Variants in KIAA1210 observed in about 807,000 individuals in gnomAD.
KIAA1210 encodes KIAA1210.
KIAA1210 carries 48 observed loss-of-function variants against 78.9 expected under a neutral mutation model. That is an observed-to-expected ratio of 0.61 (90% CI 0.48 to 0.77). KIAA1210 has a LOEUF of 0.77. KIAA1210 is among the 30% of genes least tolerant of loss of function. The pLI, the probability that KIAA1210 is intolerant of heterozygous loss-of-function variation, is 0.00. For missense variants in KIAA1210, 1,108 were observed against 1,100.0 expected (o/e 1.01, Z -0.10); for synonymous variants, 406 against 404.5 (o/e 1.00, Z -0.04).
At chrX:119,112,893 A>C (rs1212268606) in intron 3 of KIAA1210, among the ~76,000 whole-genome samples, 1 of 112,178 alleles carries the variant, frequency 8.9e-6, no homozygotes, top group Non-Finnish European at 1.9e-5. Context: ...ACTTATACAC[A>C]AATGTTCACA....
In KIAA1210 at chrX:119,105,004, C is replaced by A; in HGVS notation, c.636G>T (p.Leu212Phe). The stretch of plus-strand genomic sequence containing the variant: ...AATATATACTCACCTGAGTCGCTGT[C>A]AAACTCTTATGTGGTAAAGCCTTCT... ...PQKKALPHKS[L>F]TATQSFSELS... Residue 212 changes from leucine (L) to phenylalanine (F), a missense_variant, in exon 6 of 12, where the codon TTG (leucine) becomes TTT (phenylalanine). This residue lies in a region of KIAA1210 where 672 missense variants were observed against 607.1 expected (regional missense o/e 1.11). Coordinates refer to ENST00000691062, the MANE Select transcript of KIAA1210 (RefSeq NM_001394962.1). 8.3e-7 allele frequency: 1 copy of A among 1,209,442 alleles called. No homozygotes were observed. Among genetic ancestry groups the A allele is most frequent in the Non-Finnish European group, 1.1e-6 (1 of 894,463 alleles).
chrX:119,099,067 G>A (rs999744333), intron 6 of KIAA1210, among the ~76,000 whole-genome samples: 3 of 112,309 alleles, frequency 2.7e-5, no homozygotes, highest in African/African-American at 9.7e-5. Flanking sequence ...AGAAAAACAA[G>A]GAGGTCTATG....
intron 2 of KIAA1210, among the ~76,000 whole-genome samples, chrX:119,136,969 T>C (rs1443353472): frequency 8.9e-6 from 1 of 111,883 alleles, no homozygotes; most frequent in East Asian, 2.8e-4. Flanking sequence ...ATCCTTCCCC[T>C]TGAACCAGAC....
intron 3 of KIAA1210, among the ~76,000 whole-genome samples, chrX:119,109,475 C>T (rs1166986597): frequency 4.5e-5 from 5 of 111,939 alleles, no homozygotes; most frequent in Non-Finnish European, 1.9e-5. Context: ...TGAGGAATGG[C>T]GCACTAGGGA....
chrX:119,132,971 A>G (rs17326934), intron 2 of KIAA1210, among the ~76,000 whole-genome samples: 40,618 of 109,604 alleles, frequency 0.37, 5,786 homozygotes, highest in East Asian at 0.68. Flanking sequence ...CCCTCAACCA[A>G]GAGTATGTGC....
intron 3 of KIAA1210, among the ~76,000 whole-genome samples, chrX:119,115,522 A>T (rs7877969): frequency 9.0e-6 from 1 of 111,009 alleles, no homozygotes; most frequent in African/African-American, 3.3e-5. Flanking sequence ...GCACTCATGA[A>T]GGTTGTTCTT....
At chrX:119,150,144 A>G in intron 1 of KIAA1210, 1 of 598,792 alleles carries the variant, frequency 1.7e-6, no homozygotes, top group Non-Finnish European at 2.5e-6. Context: ...GTTTCTTGAC[A>G]CATAGAGAAG....
intron 2 of KIAA1210, among the ~76,000 whole-genome samples, chrX:119,119,975 C>CAAAAAA (rs11342308): frequency 2.8e-5 from 1 of 35,789 alleles, no homozygotes; most frequent in African/African-American, 7.8e-5. Flanking sequence ...GACTCCATCT[C>CAAAAAA]AAAAAAAAAA....
At chrX:119,127,087 AAT>A (rs200122502) in intron 1 of KIAA1210, among the ~76,000 whole-genome samples, 1,825 of 109,384 alleles carry the variant, frequency 0.017, 46 homozygotes, top group African/African-American at 0.057. Flanking sequence ...AAAAAAAAAA[AAT>A]ATTCAAAAGC....
At chrX:119,081,548 C>A (rs7055713) in intron 11 of KIAA1210, 44 bp from the exon 12 acceptor site, 141,444 of 1,125,790 alleles carry the variant, frequency 0.13, 15,832 homozygotes, top group African/African-American at 0.67. Flanking sequence ...GGAACCCCAG[C>A]GATATTGGGG....
In KIAA1210 at chrX:119,103,049, A is replaced by G. The variant is rs141854097; in HGVS notation, c.648+1943T>C. ...GCAACCATTTGTCTCTTATCTTCCC[A>G]CACCTTTTAAAAATGTGGTCATCTT... On this transcript the variant is annotated intron_variant, in intron 6 of 11. Transcript: ENST00000691062. Among the ~76,000 whole-genome samples, 588 of 111,663 alleles carry G rather than the reference A, an allele frequency of 5.3e-3. 4 individuals carry two copies. The highest frequency in any genetic ancestry group is 0.019 in the African/African-American group (571 of 30,715).
chrX:119,128,002 T>C (rs1309370271), upstream of KIAA1210, among the ~76,000 whole-genome samples: 2 of 111,712 alleles, frequency 1.8e-5, no homozygotes, highest in Middle Eastern at 4.6e-3. Context: ...GATTTTGAAA[T>C]GTAGCACTGC....
chrX:119,146,365 A>G (rs897476225), intron 2 of KIAA1210, among the ~76,000 whole-genome samples: 3 of 111,877 alleles, frequency 2.7e-5, no homozygotes, highest in Non-Finnish European at 5.6e-5. Context: ...ATTCCCATAT[A>G]ATATGCTGAA....
At chrX:119,130,422 A>G (rs1210060779), upstream of KIAA1210, among the ~76,000 whole-genome samples, 2 of 112,897 alleles carry the variant, frequency 1.8e-5, no homozygotes, top group Admixed American at 9.3e-5. Context: ...CCCATGCCCC[A>G]TGCTCTCAGA....
At chrX:119,137,384 T>C (rs1185095778) in intron 2 of KIAA1210, among the ~76,000 whole-genome samples, 1 of 112,443 alleles carries the variant, frequency 8.9e-6, no homozygotes, top group Non-Finnish European at 1.9e-5. Context: ...AGAATACACA[T>C]GAAACAATTG....
At chrX:119,120,535 C>A (rs1434224832) in intron 2 of KIAA1210, among the ~76,000 whole-genome samples, 1 of 112,171 alleles carries the variant, frequency 8.9e-6, no homozygotes, top group Admixed American at 9.4e-5. Context: ...AACAAACAAT[C>A]ATTGTATGAG....
At chrX:119,138,549 C>A (rs1325095525) in intron 2 of KIAA1210, among the ~76,000 whole-genome samples, 1 of 111,589 alleles carries the variant, frequency 9.0e-6, no homozygotes, top group Non-Finnish European at 1.9e-5. Flanking sequence ...ACGCCAGGTG[C>A]TAGGCAGAAA....
intron 4 of KIAA1210, among the ~76,000 whole-genome samples, chrX:119,108,830 T>G (rs1927977961): frequency 9.7e-6 from 1 of 103,005 alleles, no homozygotes; most frequent in Non-Finnish European, 2.0e-5. Flanking sequence ...GGTGACAGAG[T>G]GAGACCTGTC....
chrX:119,118,489 G>T (rs1267394183), intron 2 of KIAA1210, among the ~76,000 whole-genome samples: 1 of 112,627 alleles, frequency 8.9e-6, no homozygotes, highest in African/African-American at 3.2e-5. Context: ...ATATGGTGAA[G>T]TTCCAAGAAA....
Sources: gnomAD v4.1 joint callset for allele counts (sites outside exome capture counted in the v4.1 genomes callset) on GRCh38, gnomAD v4.1.1 for gene constraint, gnomAD v4.1.1 regional missense constraint, MANE v1.5 for transcripts, NCBI Gene and HGNC (gene_info 2026-07-23, HGNC 2026-07-21) for gene names.